Variants in XPO6 observed in about 807,000 individuals in gnomAD.
The protein encoded by XPO6 is exportin-6.
XPO6 carries 3 observed loss-of-function variants against 130.0 expected under a neutral mutation model. That is an observed-to-expected ratio of 0.02 (90% CI 0.01 to 0.06). The LOEUF is 0.06. Among genes scored for constraint, XPO6 ranks in the 10% least tolerant of loss-of-function variants. The pLI, the probability that XPO6 is intolerant of heterozygous loss-of-function variation, is 1.00. For missense variants in XPO6, 970 were observed against 1,393.0 expected (o/e 0.70, Z 4.83); for synonymous variants, 524 against 548.9 (o/e 0.95, Z 0.63).
chr16:28,115,187 A>T lies in XPO6; in HGVS notation c.2004+2131T>A, dbSNP rs553902082. Among the ~76,000 whole-genome samples the T allele has an allele frequency of 2.1e-3, 324 of 152,310 alleles. 2 individuals are homozygous for T. The highest frequency in any genetic ancestry group is 3.8e-3 in the Non-Finnish European group (258 of 68,030). The stretch of plus-strand genomic sequence containing the variant: ...ATGAATCATGAATGTCTTTAATGGC[A>T]TCTAGAATGGTGAATCCTTCCCAGA... On this transcript the variant is annotated intron_variant, in intron 15 of 23. Coordinates refer to ENST00000304658, the MANE Select transcript of XPO6 (RefSeq NM_015171.4).
At chr16:28,169,123 T>G (rs2043409383) in intron 5 of XPO6, among the ~76,000 whole-genome samples, 1 of 152,214 alleles carries the variant, frequency 6.6e-6, no homozygotes, top group African/African-American at 2.4e-5. Context: ...GGCCAGGCAT[T>G]GCATACATGT....
intron 9 of XPO6, among the ~76,000 whole-genome samples, chr16:28,137,939 C>T (rs912369058): frequency 1.3e-5 from 2 of 152,024 alleles, no homozygotes; most frequent in African/African-American, 4.8e-5. Context: ...TATTTAGCTC[C>T]CGACAGCTCG....
intron 1 of XPO6, among the ~76,000 whole-genome samples, chr16:28,191,649 G>A (rs1232324736): frequency 2.0e-5 from 3 of 152,184 alleles, no homozygotes; most frequent in Non-Finnish European, 4.4e-5. Context: ...GAAGACAGGG[G>A]CAGGCCACCA....
intron 4 of XPO6, among the ~76,000 whole-genome samples, chr16:28,173,684 A>G (rs148924290): frequency 3.3e-5 from 5 of 152,318 alleles, no homozygotes; most frequent in Admixed American, 6.5e-5. Flanking sequence ...TGGTGTTTCA[A>G]AGTCACGAAA....
chr16:28,109,951 C>A (rs1319815220), intron 17 of XPO6, among the ~76,000 whole-genome samples: 1 of 152,082 alleles, frequency 6.6e-6, no homozygotes, highest in Non-Finnish European at 1.5e-5. Flanking sequence ...CAGAAAAAAG[C>A]ATAAATGTGG....
intron 1 of XPO6, chr16:28,183,357 T>C (rs1370991928): frequency 6.6e-6 from 1 of 151,964 alleles, no homozygotes; most frequent in African/African-American, 2.4e-5. Context: ...CTGGACTGTT[T>C]GCAGTCAGTT....
At chr16:28,122,690 G>A (rs1445829705) in intron 13 of XPO6, among the ~76,000 whole-genome samples, 1 of 151,684 alleles carries the variant, frequency 6.6e-6, no homozygotes, top group African/African-American at 2.4e-5. Flanking sequence ...AGGATGACGT[G>A]GGCTTTTCTA....
chr16:28,142,180 T>C (rs1462509716), intron 9 of XPO6, among the ~76,000 whole-genome samples: 1 of 152,250 alleles, frequency 6.6e-6, no homozygotes, highest in Non-Finnish European at 1.5e-5. Flanking sequence ...TAGTTGCTTC[T>C]GAAATATGAT....
intron 12 of XPO6, among the ~76,000 whole-genome samples, chr16:28,126,358 G>T (rs1020276175): frequency 2.6e-5 from 4 of 152,022 alleles, no homozygotes; most frequent in Admixed American, 6.6e-5. Context: ...GAGAGGAGAG[G>T]TACACTCAGC....
chr16:28,199,245 T>C (rs1453179623), intron 1 of XPO6, among the ~76,000 whole-genome samples: 1 of 152,236 alleles, frequency 6.6e-6, no homozygotes, highest in African/African-American at 2.4e-5. Flanking sequence ...TGATGACATG[T>C]GCCCCTAAAA....
intron 6 of XPO6, among the ~76,000 whole-genome samples, chr16:28,160,347 T>C (rs1336869866): frequency 6.6e-6 from 1 of 151,010 alleles, no homozygotes; most frequent in Admixed American, 6.6e-5. Flanking sequence ...CTACTAAAAA[T>C]ACAAAACTTA....
chr16:28,156,369 G>A lies in XPO6; in HGVS notation c.802C>T (p.Pro268Ser). 1 of 1,614,076 alleles carries A rather than the reference G, an allele frequency of 6.2e-7. No individual in the cohort carries two copies. The highest frequency in any genetic ancestry group is 8.5e-7 in the Non-Finnish European group (1 of 1,180,024). The change falls in exon 7 of 24, where the codon CCA (proline) becomes TCA (serine). Residue 268 changes from proline to serine, a missense_variant. Transcript: ENST00000304658. ...TGGAAGATGGTGGTAAGGAGGGATG[G>A]GGTGATGCTGGCAGACAGAGGAATC... ...SWIPLSASIT[P>S]SLLTTIFHFA...
Position 28,098,332 on chromosome 16 carries a change from G to A in XPO6, c.*206C>T. The stretch of plus-strand genomic sequence containing the variant: ...CTCCGCCTGCTCCAACGCCCTGGGA[G>A]CACCGTCCAGTGCTCAGGTGGACCC... On this transcript the variant is annotated 3_prime_UTR_variant, in exon 24 of 24. Coordinates refer to ENST00000304658, the MANE Select transcript of XPO6 (RefSeq NM_015171.4). The A allele has an allele frequency of 1.9e-6, 1 of 523,052 alleles. No homozygotes were observed. The highest frequency in any genetic ancestry group is 3.4e-6 in the Non-Finnish European group (1 of 292,102). 32.4% of individuals were successfully genotyped at this position (523,052 alleles called of 1,614,324 possible).
chr16:28,136,444 T>C (rs1224346739), intron 9 of XPO6, among the ~76,000 whole-genome samples: 1 of 152,156 alleles, frequency 6.6e-6, no homozygotes, highest in East Asian at 1.9e-4. Context: ...GGTCTTGAAA[T>C]CCCGACCTCA....
chr16:28,113,996 T>A (rs1338551378), intron 15 of XPO6, among the ~76,000 whole-genome samples: 1 of 152,004 alleles, frequency 6.6e-6, no homozygotes, highest in African/African-American at 2.4e-5. Context: ...ACAAAAAAAT[T>A]CAAAGAATAA....
chr16:28,100,566 T>C (rs2086634428), intron 23 of XPO6, among the ~76,000 whole-genome samples: 1 of 152,238 alleles, frequency 6.6e-6, no homozygotes, highest in South Asian at 2.1e-4. Context: ...GTGAGAGCAG[T>C]GTGTGCATCT....
chr16:28,191,821 C>A (rs1299289491), intron 1 of XPO6, among the ~76,000 whole-genome samples: 1 of 152,168 alleles, frequency 6.6e-6, no homozygotes, highest in African/African-American at 2.4e-5. Flanking sequence ...AAGCATGCTG[C>A]AAATCTAACA....
chr16:28,181,173 T>C, intron 1 of XPO6, 142 bp from the exon 2 acceptor site: 2 of 564,668 alleles, frequency 3.5e-6, no homozygotes, highest in Non-Finnish European at 6.0e-6. Context: ...GCATGGTATA[T>C]GCCAGAAAAA....
At chr16:28,180,885 C>T (rs1172100143) in intron 2 of XPO6, 56 bp downstream of exon 2, 1 of 1,439,838 alleles carries the variant, frequency 6.9e-7, no homozygotes, top group African/African-American at 1.4e-5. Flanking sequence ...ACTCCTTCCT[C>T]CCTACCAGGG....
Sources: gnomAD v4.1 joint callset for allele counts (sites outside exome capture counted in the v4.1 genomes callset) on GRCh38, gnomAD v4.1.1 for gene constraint, MANE v1.5 for transcripts, NCBI Gene and HGNC (gene_info 2026-07-23, HGNC 2026-07-21) for gene names.